PALS2: variants seen among roughly 807,000 people sequenced by gnomAD.
PALS2 encodes protein PALS2.
PALS2 carries 27 observed loss-of-function variants against 61.6 expected under a neutral mutation model. The ratio of observed to expected loss-of-function variants is 0.44; its 90% CI spans 0.32 to 0.60. PALS2 has a LOEUF of 0.60. Ranked by LOEUF, PALS2 falls within the 20% of genes least tolerant of loss-of-function variation. The pLI is 0.05. For synonymous variants in PALS2, 236 were observed against 218.6 expected, an observed-to-expected ratio of 1.08 and a Z score of -0.70; for missense variants, 554 against 639.4, an observed-to-expected ratio of 0.87 and a Z score of 1.44.
intron 2 of PALS2, among the ~76,000 whole-genome samples, chr7:24,632,492 C>T (rs1785041611): frequency 6.6e-6 from 1 of 152,110 alleles, no homozygotes; most frequent in Non-Finnish European, 1.5e-5. Context: ...CTCCGATTCC[C>T]TGGTTCAAGC....
intron 1 of PALS2, among the ~76,000 whole-genome samples, chr7:24,621,309 T>G (rs898259788): frequency 1.3e-5 from 2 of 152,090 alleles, no homozygotes; most frequent in African/African-American, 2.4e-5. Flanking sequence ...GAGAATGCTT[T>G]GTGAGGGAGA....
At chr7:24,641,007 CAAAAAAAAAAA>C (rs35912373) in intron 2 of PALS2, among the ~76,000 whole-genome samples, 19 of 67,086 alleles carry the variant, frequency 2.8e-4, no homozygotes, top group Non-Finnish European at 4.4e-4. Context: ...GACTCCATCT[CAAAAAAAAAAA>C]AAAAAAAAAA....
Position 24,685,854 on chromosome 7 carries a change from A to G in PALS2, c.1447-1584A>G, listed in dbSNP as rs995667763. Among the ~76,000 whole-genome samples the G allele has an allele frequency of 2.0e-5, 3 of 152,124 alleles. No homozygotes were observed. The East Asian group carries it at 5.8e-4, about 29-fold the overall frequency. On this transcript the variant is annotated intron_variant, in intron 11 of 11. Transcript: ENST00000222644. ...CCACTTCTCTCTCTACACTTTCTAC[A>G]CAAATGACATTGTTGAGTGCTTCCA...
intron 1 of PALS2, among the ~76,000 whole-genome samples, chr7:24,595,005 A>G (rs1224715444): frequency 6.6e-6 from 1 of 152,146 alleles, no homozygotes; most frequent in Admixed American, 6.6e-5. Flanking sequence ...TTTTAAAAAC[A>G]GTATCTGTGA....
intron 1 of PALS2, among the ~76,000 whole-genome samples, chr7:24,576,160 AAGT>A (rs1437492241): frequency 1.3e-5 from 2 of 152,238 alleles, no homozygotes; most frequent in Non-Finnish European, 2.9e-5. Flanking sequence ...TTCTTTAGAA[AAGT>A]AGTCTTCACA....
In PALS2 at chr7:24,620,535, G is replaced by T. The variant is rs555470632; in HGVS notation, c.-2-3131G>T. Reference sequence around the variant, plus strand: ...TATGAAGATCTTTAAAATAACCAAAGATCTATTTCACAATTTCTTTCACTT... The same window carrying T: ...TATGAAGATCTTTAAAATAACCAAATATCTATTTCACAATTTCTTTCACTT... On this transcript the variant is annotated intron_variant, in intron 1 of 11. Transcript: ENST00000222644. 4.0e-5 allele frequency among the ~76,000 whole-genome samples: 6 copies of T among 151,732 alleles called. No homozygotes were observed. The East Asian group carries it at 9.7e-4, about 25-fold the overall frequency.
At chr7:24,610,907 T>G (rs1289173475) in intron 1 of PALS2, among the ~76,000 whole-genome samples, 1 of 152,168 alleles carries the variant, frequency 6.6e-6, no homozygotes, top group Non-Finnish European at 1.5e-5. Context: ...GTGAAATAAT[T>G]ATTTTATCTG....
chr7:24,681,307 A>C (rs775785364), intron 11 of PALS2, among the ~76,000 whole-genome samples: 1 of 152,170 alleles, frequency 6.6e-6, no homozygotes, highest in Non-Finnish European at 1.5e-5. Flanking sequence ...CCTAGCTTCA[A>C]TAATCGTGGC....
intron 5 of PALS2, among the ~76,000 whole-genome samples, chr7:24,653,635 G>A (rs114051038): frequency 0.016 from 2,476 of 152,140 alleles, 80 homozygotes; most frequent in African/African-American, 0.057. Flanking sequence ...TGGTAAAAAG[G>A]AACTGCCCTC....
intron 1 of PALS2, among the ~76,000 whole-genome samples, chr7:24,575,923 T>A (rs1782627001): frequency 6.6e-6 from 1 of 152,200 alleles, no homozygotes; most frequent in African/African-American, 2.4e-5. Context: ...AGTTAATAAT[T>A]TTTCCTTCCA....
Position 24,687,371 on chromosome 7 carries a change from T to C in PALS2, c.1447-67T>C, listed in dbSNP as rs1214473603. ...CTAACCTATTTATTATATTCACTTC[T>C]AGTTGGAGTTTGAGCAAGTAAATAT... On this transcript the variant is annotated intron_variant, in intron 11 of 11. Coordinates refer to ENST00000222644, the MANE Select transcript of PALS2 (RefSeq NM_001303037.2). The surrounding 1 kb of genome is among the most constrained non-coding windows in gnomAD (Gnocchi z 4.5). The C allele has an allele frequency of 8.5e-7, 1 of 1,180,482 alleles. No individual in the cohort carries two copies. Among genetic ancestry groups the C allele is most frequent in the Non-Finnish European group, 1.2e-6 (1 of 814,722 alleles). The allele number at this position is 1,180,482 out of a possible 1,614,324, so 73.1% of individuals were successfully genotyped here. A position where few individuals can be genotyped will look rare whatever the true frequency, so the allele number is the denominator to read the frequency against.
intron 3 of PALS2, 67 bp from the exon 4 acceptor site, chr7:24,649,545 A>T: frequency 3.6e-6 from 5 of 1,387,684 alleles, no homozygotes; most frequent in Non-Finnish European, 4.7e-6. Flanking sequence ...GAAATAACAA[A>T]GTACTTTTAG....
In PALS2 at chr7:24,649,729, A is replaced by G. The variant is rs201370764; in HGVS notation, c.388A>G (p.Ile130Val). ...GTTATTACCAGTAGATGCCATTCGT[A>G]TTCTTGGTATTCACAAAAGAGCTGG... is the stretch of plus-strand genomic sequence containing the variant. ...NQLLPVDAIR[I>V]LGIHKRAGEP... The change falls in exon 4 of 12, where the codon ATT becomes GTT. Residue 130 changes from isoleucine to valine, a missense_variant. By Grantham distance (29) the Ile-to-Val change is conservative. Transcript: ENST00000222644. 4.0e-5 allele frequency: 65 copies of G among 1,610,362 alleles called. 1 individual carries two copies. The South Asian group carries it at 4.8e-4, about 12-fold the overall frequency.
chr7:24,581,492 A>C (rs555834812), intron 1 of PALS2, among the ~76,000 whole-genome samples: 23 of 152,312 alleles, frequency 1.5e-4, no homozygotes, highest in African/African-American at 5.5e-4. Context: ...ATGGTAATTT[A>C]AATAGTTCAG....
At chr7:24,575,071 G>C (rs538252144) in intron 1 of PALS2, among the ~76,000 whole-genome samples, 1 of 152,102 alleles carries the variant, frequency 6.6e-6, no homozygotes, top group African/African-American at 2.4e-5. Flanking sequence ...GTTTAAATGC[G>C]TGTTTGCACG....
intron 1 of PALS2, among the ~76,000 whole-genome samples, chr7:24,617,335 C>T (rs999221550): frequency 6.6e-6 from 1 of 151,972 alleles, no homozygotes; most frequent in Non-Finnish European, 1.5e-5. Flanking sequence ...CTCACTGTTT[C>T]CTTACGATTA....
At chr7:24,685,839 C>T (rs969613262) in intron 11 of PALS2, among the ~76,000 whole-genome samples, 1 of 152,058 alleles carries the variant, frequency 6.6e-6, no homozygotes, top group Non-Finnish European at 1.5e-5. Flanking sequence ...CCACTTCTCT[C>T]TCTACACTTT....
chr7:24,575,091 T>C (rs938921779), intron 1 of PALS2, among the ~76,000 whole-genome samples: 1 of 152,346 alleles, frequency 6.6e-6, no homozygotes, highest in Admixed American at 6.5e-5. Flanking sequence ...GATGTGTTAC[T>C]CTTTAAGGTC....
chr7:24,613,833 A>G (rs1226156301), intron 1 of PALS2, among the ~76,000 whole-genome samples: 1 of 151,898 alleles, frequency 6.6e-6, no homozygotes, highest in African/African-American at 2.4e-5. Context: ...AAGAGTGAGA[A>G]CTTGTGATGT....
Sources: gnomAD v4.1 joint callset for allele counts (sites outside exome capture counted in the v4.1 genomes callset) on GRCh38, gnomAD v4.1.1 for gene constraint, Gnocchi (gnomAD v3.1) non-coding constraint, MANE v1.5 for transcripts, NCBI Gene and HGNC (gene_info 2026-07-23, HGNC 2026-07-21) for gene names.